The following LHPP variants were observed in gnomAD, a reference collection of about 807,000 sequenced individuals.
The protein encoded by LHPP is phospholysine phosphohistidine inorganic pyrophosphate phosphatase, also known as hLHPP.
In LHPP, 24 loss-of-function variants were observed where a neutral mutation model predicts 30.3. The observed-to-expected ratio is 0.79, with a 90% confidence interval of 0.57 to 1.11. LHPP has a LOEUF of 1.11. Among genes scored for constraint, LHPP ranks in the 50% most tolerant of loss-of-function variants. The probability of loss-of-function intolerance (pLI) is 0.00; values close to 1 mark genes in which losing one functional copy is unlikely to be tolerated. For synonymous variants in LHPP, 150 were observed against 157.1 expected, an observed-to-expected ratio of 0.95 and a Z score of 0.34; for missense variants, 356 against 367.2, an observed-to-expected ratio of 0.97 and a Z score of 0.25.
At chr10:124,551,505 C>T (rs1483215160) in intron 6 of LHPP, among the ~76,000 whole-genome samples, 2 of 152,164 alleles carry the variant, frequency 1.3e-5, no homozygotes, top group African/African-American at 2.4e-5. Flanking sequence ...ACTTCCCTCA[C>T]CAGATCACAG....
At chr10:124,532,481 C>T (rs1954923021) in intron 6 of LHPP, among the ~76,000 whole-genome samples, 1 of 152,250 alleles carries the variant, frequency 6.6e-6, no homozygotes, top group African/African-American at 2.4e-5. Context: ...TCCTTCTCAC[C>T]TCATGCCTTT....
chr10:124,605,716 A>G (rs10794167), intron 6 of LHPP, among the ~76,000 whole-genome samples: 140,356 of 152,024 alleles, frequency 0.92, 64,998 homozygotes, highest in East Asian at 1. Flanking sequence ...CTGAGGAGCC[A>G]GGCTATGATG....
At position 124,594,790 on chromosome 10, in the gene LHPP, C is replaced by T. The variant is rs568014063; in HGVS notation, c.717-18474C>T. On this transcript the variant is annotated intron_variant, in intron 6 of 6. Transcript: ENST00000368842. The stretch of plus-strand genomic sequence containing the variant: ...GGAAAACAGGCATGCACCACCACAC[C>T]CGGCTAATTTTTGTATTTTTTAGTA... 2.6e-5 allele frequency among the ~76,000 whole-genome samples: 4 copies of T among 152,178 alleles called. No individual in the cohort carries two copies. In the South Asian group the frequency reaches 8.3e-4, roughly 32 times the overall value.
intron 1 of LHPP, among the ~76,000 whole-genome samples, chr10:124,462,468 G>T (rs1952432263): frequency 6.6e-6 from 1 of 151,790 alleles, no homozygotes; most frequent in African/African-American, 2.4e-5. Flanking sequence ...GGTGGTGCAC[G>T]CCTGTAGGCC....
chr10:124,479,697 C>T (rs1022757099), intron 1 of LHPP, among the ~76,000 whole-genome samples: 19 of 152,278 alleles, frequency 1.2e-4, no homozygotes, highest in African/African-American at 4.6e-4. Flanking sequence ...GGACACTGAT[C>T]CTGTCATGTG....
At chr10:124,598,654 C>G (rs915953371) in intron 6 of LHPP, among the ~76,000 whole-genome samples, 22 of 151,832 alleles carry the variant, frequency 1.4e-4, no homozygotes, top group Non-Finnish European at 2.5e-4. Flanking sequence ...TCCATCCATC[C>G]ATCCATCCCT....
At chr10:124,600,702 G>T (rs913987901) in intron 6 of LHPP, among the ~76,000 whole-genome samples, 1 of 152,166 alleles carries the variant, frequency 6.6e-6, no homozygotes, top group Non-Finnish European at 1.5e-5. Flanking sequence ...GAGCCCCAGG[G>T]GCCTGCCTGT....
At chr10:124,498,337 G>A (rs778353310) in intron 5 of LHPP, 10 of 1,572,856 alleles carry the variant, frequency 6.4e-6, no homozygotes, top group Non-Finnish European at 8.6e-6. Flanking sequence ...GTTACTTTCA[G>A]TATGAAAGCA....
intron 6 of LHPP, among the ~76,000 whole-genome samples, chr10:124,599,360 C>T (rs915441042): frequency 6.6e-6 from 1 of 152,236 alleles, no homozygotes; most frequent in African/African-American, 2.4e-5. Context: ...TCCATCGTAG[C>T]CCCAGGAGGG....
intron 6 of LHPP, among the ~76,000 whole-genome samples, chr10:124,557,389 TGCCCAG>T (rs1468803137): frequency 6.6e-6 from 1 of 152,166 alleles, no homozygotes; most frequent in Non-Finnish European, 1.5e-5. Context: ...CAAGGGATGG[TGCCCAG>T]GTAACCTGGG....
chr10:124,551,706 CT>C (rs1311720338), intron 6 of LHPP, among the ~76,000 whole-genome samples: 1 of 152,148 alleles, frequency 6.6e-6, no homozygotes, highest in Non-Finnish European at 1.5e-5. Context: ...GACCCGCGGG[CT>C]TGGCCGGCCC....
chr10:124,570,126 C>G (rs960681986), intron 6 of LHPP, among the ~76,000 whole-genome samples: 1 of 152,216 alleles, frequency 6.6e-6, no homozygotes, highest in Non-Finnish European at 1.5e-5. Flanking sequence ...GCCAGTCCCT[C>G]CCTGGCTTCA....
chr10:124,591,850 T>C (rs114156931), intron 6 of LHPP, among the ~76,000 whole-genome samples: 394 of 151,638 alleles, frequency 2.6e-3, no homozygotes, highest in African/African-American at 8.8e-3. Context: ...CTCTCTGATC[T>C]TGGGTCTCTG....
rs1220281692 is a variant in LHPP at position 124,592,190 on chromosome 10, CG to C, written c.717-21070del. 6.6e-6 allele frequency among the ~76,000 whole-genome samples: 1 copy of C among 152,140 alleles called. No homozygotes were observed. The highest frequency in any genetic ancestry group is 1.5e-5 in the Non-Finnish European group (1 of 68,024). ...GCCTGTGACTAGGTGAGGGACAGTG[CG>C]GGGTGGCCTGCCTGCATATGCCAGG... On this transcript the variant is annotated intron_variant, in intron 6 of 6. Coordinates refer to ENST00000368842, the MANE Select transcript of LHPP (RefSeq NM_022126.4). The surrounding 1 kb of genome is among the most constrained non-coding windows in gnomAD (Gnocchi z 6.2).
chr10:124,563,818 T>G (rs1948442724), intron 6 of LHPP, among the ~76,000 whole-genome samples: 1 of 152,190 alleles, frequency 6.6e-6, no homozygotes, highest in Non-Finnish European at 1.5e-5. Flanking sequence ...CGTTCTTGGT[T>G]CAGAACAATG....
chr10:124,603,371 G>A (rs1334925912), intron 6 of LHPP, among the ~76,000 whole-genome samples: 1 of 152,088 alleles, frequency 6.6e-6, no homozygotes, highest in Non-Finnish European at 1.5e-5. Flanking sequence ...CCAAACGGAT[G>A]GGGGACAAGC....
intron 6 of LHPP, among the ~76,000 whole-genome samples, chr10:124,598,672 T>C (rs1948983997): frequency 6.6e-6 from 1 of 150,768 alleles, no homozygotes; most frequent in Non-Finnish European, 1.5e-5. Flanking sequence ...CCTATCCACC[T>C]GTCCACCCTG....
intron 6 of LHPP, among the ~76,000 whole-genome samples, chr10:124,569,743 G>T (rs957481838): frequency 6.6e-6 from 1 of 152,228 alleles, no homozygotes; most frequent in Non-Finnish European, 1.5e-5. Context: ...AGACCTGTAA[G>T]GCAGCGGAGC....
rs367837765 is a variant in LHPP at position 124,555,841 on chromosome 10, C to T, written c.716+38570C>T. On this transcript the variant is annotated intron_variant, in intron 6 of 6. Coordinates refer to ENST00000368842, the MANE Select transcript of LHPP (RefSeq NM_022126.4). ...AGCTCTTGTTCTGGGCTCAGTTCTG[C>T]CCCGAGCTGTTTGTACATGTTACCT... is the stretch of plus-strand genomic sequence containing the variant. 1.1e-3 allele frequency among the ~76,000 whole-genome samples: 172 copies of T among 152,288 alleles called. 1 individual carries two copies. The highest frequency in any genetic ancestry group is 4.0e-3 in the African/African-American group (167 of 41,562).
Sources: allele counts gnomAD v4.1 joint callset (sites outside exome capture counted in the v4.1 genomes callset), GRCh38; gene constraint gnomAD v4.1.1; non-coding constraint Gnocchi (gnomAD v3.1); transcripts MANE v1.5; gene names NCBI Gene and HGNC (gene_info 2026-07-23, HGNC 2026-07-21).